The following NSUN3 variants were observed in gnomAD, a reference collection of about 807,000 sequenced individuals.
NSUN3 encodes the protein NOP2/Sun RNA methyltransferase 3, also known as tRNA (cytosine(34)-C(5))-methyltransferase, mitochondrial.
A neutral mutation model predicts 36.8 loss-of-function variants in NSUN3; 24 were observed. That is an observed-to-expected ratio of 0.65 (90% CI 0.47 to 0.92). NSUN3 has a LOEUF of 0.92. Among genes scored for constraint, NSUN3 ranks in the 40% least tolerant of loss-of-function variants. The pLI is 0.00. For missense variants in NSUN3, 381 were observed against 392.8 expected (o/e 0.97, Z 0.25); for synonymous variants, 146 against 145.2 (o/e 1.01, Z -0.04).
chr3:94,085,000 T>G (rs1262546434), intron 3 of NSUN3: 1 of 152,244 alleles, frequency 6.6e-6, no homozygotes, highest in East Asian at 1.9e-4. Context: ...CAATATGTAA[T>G]CAAAATAGAA....
chr3:94,106,847 T>TA (rs1044745143), intron 5 of NSUN3, among the ~76,000 whole-genome samples: 8 of 151,714 alleles, frequency 5.3e-5, no homozygotes, highest in East Asian at 1.9e-4. Flanking sequence ...AATGTAGTAT[T>TA]AAAAAAAATG....
At chr3:94,104,029 A>G (rs541436398) in intron 5 of NSUN3, among the ~76,000 whole-genome samples, 45 of 152,324 alleles carry the variant, frequency 3.0e-4, no homozygotes, top group Non-Finnish European at 6.3e-4. Context: ...GTTCTTATTT[A>G]TGGCATGCTT....
rs775991982 is a variant in NSUN3, at chr3:94,095,111, A to C, written c.700A>C (p.Ser234Arg). 1.2e-6 allele frequency: 2 copies of C among 1,613,924 alleles called. No individual in the cohort carries two copies. The highest frequency in any genetic ancestry group is 1.7e-6 in the Non-Finnish European group (2 of 1,179,850). ...CTCTCAGAAGGCATCCTGTAGGATA[A>C]GTCAAAGGAGGAATTTGCCTCTTCT... The part of the protein sequence containing the change: ...SDSQKASCRI[S>R]QRRNLPLLQI... The change falls in exon 5 of 6, where the codon AGT (serine) becomes CGT (arginine). Residue 234 changes from serine (S) to arginine (R), a missense_variant. By Grantham distance (110) the Ser-to-Arg change is moderately radical (BLOSUM62 -1). Transcript: ENST00000314622.
chr3:94,107,283 G>T (rs1190171440), intron 5 of NSUN3, among the ~76,000 whole-genome samples: 2 of 152,014 alleles, frequency 1.3e-5, no homozygotes, highest in African/African-American at 2.4e-5. Context: ...ATGTTTTGTT[G>T]TTGTTGTTTT....
chr3:94,118,184 T>A (rs2077448018), intron 5 of NSUN3, among the ~76,000 whole-genome samples: 1 of 152,166 alleles, frequency 6.6e-6, no homozygotes, highest in Non-Finnish European at 1.5e-5. Flanking sequence ...ATTGTAAACA[T>A]GTATCAAAAT....
intron 2 of NSUN3, among the ~76,000 whole-genome samples, chr3:94,073,130 A>G (rs1038713526): frequency 2.0e-5 from 3 of 152,114 alleles, no homozygotes; most frequent in Non-Finnish European, 4.4e-5. Context: ...AAGGACGTGA[A>G]CTCATCCTTT....
rs1346071471 is a variant in NSUN3, at chr3:94,126,579, TTC to T, written c.*93_*94del. On this transcript the variant is annotated 3_prime_UTR_variant, in exon 6 of 6. Transcript: ENST00000314622. ...ATATTTAAATAATTATGCAGTAACT[TTC>T]TCTGGGTCTGTTTGGAATCCTATTT... 21 of 1,196,312 alleles carry T rather than the reference TTC, an allele frequency of 1.8e-5. No individual in the cohort carries two copies. The highest frequency in any genetic ancestry group is 2.3e-5 in the Non-Finnish European group (20 of 857,368). The allele number at this position is 1,196,312 out of a possible 1,614,324, so 74.1% of individuals were successfully genotyped here.
chr3:94,074,533 T>G (rs1226061029), intron 2 of NSUN3, among the ~76,000 whole-genome samples: 1 of 152,204 alleles, frequency 6.6e-6, no homozygotes, highest in Non-Finnish European at 1.5e-5. Context: ...CCTTGTAAGT[T>G]GTATTCCCAG....
At chr3:94,121,329 C>G (rs978318275) in intron 5 of NSUN3, among the ~76,000 whole-genome samples, 1 of 152,196 alleles carries the variant, frequency 6.6e-6, no homozygotes. Context: ...CACATCTTCA[C>G]CAACTCTCTG....
chr3:94,084,767 A>T, intron 3 of NSUN3: 1 of 215,414 alleles, frequency 4.6e-6, no homozygotes, highest in Non-Finnish European at 9.3e-6. Context: ...TGAGAGTCTT[A>T]TGTAGATATC....
chr3:94,081,036 G>A (rs1012775192), intron 2 of NSUN3, among the ~76,000 whole-genome samples: 1 of 152,210 alleles, frequency 6.6e-6, no homozygotes, highest in African/African-American at 2.4e-5. Flanking sequence ...GGGCCCTGGT[G>A]GGGTAGGCAC....
Position 94,126,410 on chromosome 3 carries a change from G to A in NSUN3, c.943G>A (p.Val315Met), listed in dbSNP as rs1199931615. The A allele has an allele frequency of 6.2e-7, 1 of 1,614,118 alleles. No individual in the cohort carries two copies. The highest frequency in any genetic ancestry group is 1.7e-5 in the Admixed American group (1 of 60,006). Reference sequence around the variant, plus strand: ...CACTGGCCAGGAATGTGGGCTCTTAGTGATTCCAGATAAGGGCAAAGCCTG... The same window carrying A: ...CACTGGCCAGGAATGTGGGCTCTTAATGATTCCAGATAAGGGCAAAGCCTG... ...APTGQECGLL[V>M]IPDKGKAWGP... The change falls in exon 6 of 6, where the codon GTG becomes ATG. Residue 315 changes from valine (V) to methionine (M), a missense_variant. Val to Met is a conservative substitution (Grantham distance 21). Transcript: ENST00000314622.
chr3:94,084,673 T>C (rs1351204138), intron 3 of NSUN3: 1 of 448,480 alleles, frequency 2.2e-6, no homozygotes, highest in African/African-American at 2.0e-5. Context: ...GAACAAAACT[T>C]CAACATTTCG....
chr3:94,097,740 C>G (rs903465777), intron 5 of NSUN3, among the ~76,000 whole-genome samples: 2 of 152,172 alleles, frequency 1.3e-5, no homozygotes, highest in South Asian at 4.1e-4. Flanking sequence ...CATTTGTGAT[C>G]AGAGGCTTTC....
At chr3:94,118,761 C>T (rs540934088) in intron 5 of NSUN3, among the ~76,000 whole-genome samples, 1 of 151,082 alleles carries the variant, frequency 6.6e-6, no homozygotes, top group African/African-American at 2.4e-5. Context: ...CCCAACCTGT[C>T]TTTTTTTTTC....
At chr3:94,094,368 T>A (rs997776670) in intron 4 of NSUN3, 74 bp downstream of exon 4, 1 of 1,424,628 alleles carries the variant, frequency 7.0e-7, no homozygotes, top group Non-Finnish European at 9.6e-7. Context: ...TGGTTGTTAT[T>A]TTCCATCTGT....
In NSUN3 at chr3:94,095,168, A is replaced by G. The variant is rs758338262; in HGVS notation, c.743+14A>G. 1 of 1,611,434 alleles carries G rather than the reference A, an allele frequency of 6.2e-7. No individual in the cohort carries two copies. Among genetic ancestry groups the G allele is most frequent in the South Asian group, 1.1e-5 (1 of 90,868 alleles). Reference sequence around the variant, plus strand: ...AGAGCTGTTAAGGTAAGGACTGTTAATACAAAAGTGTATTTTGGTGTCTGA... The same window carrying G: ...AGAGCTGTTAAGGTAAGGACTGTTAGTACAAAAGTGTATTTTGGTGTCTGA... On this transcript the variant is annotated intron_variant, in intron 5 of 5. Transcript: ENST00000314622.
chr3:94,075,603 A>T (rs1560030246), intron 2 of NSUN3, among the ~76,000 whole-genome samples: 1 of 152,166 alleles, frequency 6.6e-6, no homozygotes, highest in African/African-American at 2.4e-5. Context: ...AAACTTGGCG[A>T]TATAGCATAA....
chr3:94,071,404 A>G (rs1165844493), intron 2 of NSUN3, among the ~76,000 whole-genome samples: 1 of 152,170 alleles, frequency 6.6e-6, no homozygotes, highest in Non-Finnish European at 1.5e-5. Flanking sequence ...AAAGAGGAAA[A>G]CGAGCAGCAT....
Sources: allele counts gnomAD v4.1 joint callset (sites outside exome capture counted in the v4.1 genomes callset), GRCh38; gene constraint gnomAD v4.1.1; transcripts MANE v1.5; gene names NCBI Gene and HGNC (gene_info 2026-07-23, HGNC 2026-07-21).